The following EPS15L1 variants were observed in gnomAD, a reference collection of about 807,000 sequenced individuals.
EPS15L1 encodes the protein epidermal growth factor receptor pathway substrate 15 like 1.
EPS15L1 carries 43 observed loss-of-function variants against 117.1 expected under a neutral mutation model. The ratio of observed to expected loss-of-function variants is 0.37; its 90% confidence interval spans 0.29 to 0.47. EPS15L1 has a LOEUF of 0.47. Ranked by LOEUF, EPS15L1 falls within the 20% of genes least tolerant of loss-of-function variation. The pLI is 0.99. For synonymous variants in EPS15L1, 459 were observed against 470.5 expected (o/e 0.98, Z 0.32); for missense variants, 981 against 1,164.0 (o/e 0.84, Z 2.29).
At position 16,370,531 on chromosome 19, in the gene EPS15L1, G is replaced by A. The variant is rs1489452957; in HGVS notation, c.2380+6591C>T. Among the ~76,000 whole-genome samples the A allele has an allele frequency of 3.9e-5, 6 of 152,064 alleles. No individual in the cohort carries two copies. The highest frequency in any genetic ancestry group is 1.4e-4 in the African/African-American group (6 of 41,396). ...CCACTCTAGGCCTGCACCCCACCCT[G>A]CAGCCCCCCAGGCCTCAGCATTTGC... On this transcript the variant is annotated intron_variant, in intron 22 of 23. Transcript: ENST00000455140. The surrounding 1 kb of genome is among the most constrained non-coding windows in gnomAD (Gnocchi z 5.2).
At chr19:16,444,100 G>T in intron 1 of EPS15L1, among the ~76,000 whole-genome samples, 1 of 109,908 alleles carries the variant, frequency 9.1e-6, no homozygotes, top group Admixed American at 1.0e-4. Context: ...AAAGTACAGA[G>T]AAAACTACCA....
chr19:16,458,357 T>C (rs889086759), intron 1 of EPS15L1, among the ~76,000 whole-genome samples: 3 of 152,138 alleles, frequency 2.0e-5, no homozygotes, highest in African/African-American at 7.2e-5. Flanking sequence ...TCAAAGCCAG[T>C]GAGCTGACAC....
intron 16 of EPS15L1, among the ~76,000 whole-genome samples, chr19:16,399,679 G>A (rs1231045980): frequency 6.7e-6 from 1 of 150,322 alleles, no homozygotes; most frequent in Non-Finnish European, 1.5e-5. Context: ...TTGCTTTTTG[G>A]GGTTTTTTTT....
At chr19:16,442,770 T>C (rs1421738737) in intron 1 of EPS15L1, among the ~76,000 whole-genome samples, 1 of 152,154 alleles carries the variant, frequency 6.6e-6, no homozygotes, top group Non-Finnish European at 1.5e-5. Flanking sequence ...CAGTAACTGT[T>C]CCCACCAGGG....
intron 1 of EPS15L1, among the ~76,000 whole-genome samples, chr19:16,447,955 C>A (rs7256818): frequency 0.37 from 56,547 of 151,858 alleles, 11,345 homozygotes; most frequent in African/African-American, 0.53. Flanking sequence ...ACACACAGAT[C>A]TGCCCAGTGG....
intron 13 of EPS15L1, among the ~76,000 whole-genome samples, chr19:16,411,691 C>T (rs1377745283): frequency 6.6e-6 from 1 of 152,160 alleles, no homozygotes; most frequent in Non-Finnish European, 1.5e-5. Flanking sequence ...CCTAGCACCA[C>T]CCCATATTAC....
chr19:16,424,202 T>C (rs182457308), intron 9 of EPS15L1, among the ~76,000 whole-genome samples: 7 of 152,216 alleles, frequency 4.6e-5, no homozygotes, highest in East Asian at 1.9e-4. Context: ...GACAAGAGCA[T>C]TGCTGGCCTG....
chr19:16,403,310 G>C (rs1258958162), intron 15 of EPS15L1, among the ~76,000 whole-genome samples: 2 of 152,330 alleles, frequency 1.3e-5, no homozygotes, highest in East Asian at 3.9e-4. Flanking sequence ...TGATGCTCCA[G>C]GGTGGCGCCT....
At chr19:16,374,479 C>T (rs987726112) in intron 22 of EPS15L1, among the ~76,000 whole-genome samples, 20 of 152,134 alleles carry the variant, frequency 1.3e-4, no homozygotes, top group Admixed American at 7.2e-4. Context: ...CCCAAACTCC[C>T]GTTATCAAAC....
Position 16,404,495 on chromosome 19 carries a change from G to A in EPS15L1, c.1428+93C>T. On this transcript the variant is annotated intron_variant, in intron 14 of 23. Coordinates refer to ENST00000455140, the MANE Select transcript of EPS15L1 (RefSeq NM_001258374.3). The surrounding 1 kb of genome is among the most constrained non-coding windows in gnomAD (Gnocchi z 4.2). Reference sequence around the variant, plus strand: ...TCTATTGACCCAGTAGGATGTCTAAGTGTTGTGTTCCCAGGTAACACGAGC... The same window carrying A: ...TCTATTGACCCAGTAGGATGTCTAAATGTTGTGTTCCCAGGTAACACGAGC... The A allele has an allele frequency of 7.2e-7, 1 of 1,388,534 alleles. No individual in the cohort carries two copies. Among genetic ancestry groups the A allele is most frequent in the Non-Finnish European group, 1.0e-6 (1 of 1,000,532 alleles). The allele number at this position is 1,388,534 out of a possible 1,614,324, so 86.0% of individuals were successfully genotyped here. A position where few individuals can be genotyped will look rare whatever the true frequency, so the allele number is the denominator to read the frequency against.
chr19:16,457,865 G>A (rs536889959), intron 1 of EPS15L1, among the ~76,000 whole-genome samples: 1 of 151,792 alleles, frequency 6.6e-6, no homozygotes, highest in Admixed American at 6.6e-5. Flanking sequence ...ACCCAAGACT[G>A]GGGGGGAGGG....
chr19:16,358,370 G>GT (rs1218789710), intron 23 of EPS15L1: 1 of 152,714 alleles, frequency 6.5e-6, no homozygotes, highest in Non-Finnish European at 1.5e-5. Context: ...AGCTCCCTCT[G>GT]TGTCTGCTGT....
At chr19:16,433,148 G>A (rs1310515435) in intron 7 of EPS15L1, among the ~76,000 whole-genome samples, 1 of 145,582 alleles carries the variant, frequency 6.9e-6, no homozygotes, top group Non-Finnish European at 1.5e-5. Context: ...TTTGTTTTGA[G>A]ACAGAGTCTC....
chr19:16,367,154 C>T (rs1056078511), intron 22 of EPS15L1, among the ~76,000 whole-genome samples: 2 of 151,454 alleles, frequency 1.3e-5, no homozygotes, highest in Non-Finnish European at 2.9e-5. Flanking sequence ...ATAGAAACAT[C>T]TGGGAATGAT....
chr19:16,447,158 T>C (rs2093091722), intron 1 of EPS15L1, among the ~76,000 whole-genome samples: 1 of 152,168 alleles, frequency 6.6e-6, no homozygotes, highest in Admixed American at 6.5e-5. Flanking sequence ...GGCTCAGTCA[T>C]GTGGCAAGCA....
intron 3 of EPS15L1, 122 bp downstream of exon 3, chr19:16,441,770 G>C: frequency 1.4e-6 from 1 of 697,828 alleles, no homozygotes; most frequent in Admixed American, 2.6e-5. Context: ...GGTCTGCAGC[G>C]ACCAGGCCAC....
At chr19:16,412,532 C>T (rs2092715735) in intron 13 of EPS15L1, among the ~76,000 whole-genome samples, 1 of 151,846 alleles carries the variant, frequency 6.6e-6, no homozygotes, top group Non-Finnish European at 1.5e-5. Context: ...TCACTCTCGC[C>T]AGGCTTGGTG....
intron 21 of EPS15L1, among the ~76,000 whole-genome samples, chr19:16,380,278 C>T (rs2092346648): frequency 6.6e-6 from 1 of 152,008 alleles, no homozygotes; most frequent in Admixed American, 6.6e-5. Context: ...AAGGCTCCAG[C>T]ATCTAGCCAC....
intron 22 of EPS15L1, among the ~76,000 whole-genome samples, chr19:16,373,017 A>T (rs1338639325): frequency 6.6e-6 from 1 of 152,224 alleles, no homozygotes; most frequent in African/African-American, 2.4e-5. Flanking sequence ...CCTGGGATGG[A>T]CAAACCCTGG....
Sources: gnomAD v4.1 joint callset for allele counts (sites outside exome capture counted in the v4.1 genomes callset) on GRCh38, gnomAD v4.1.1 for gene constraint, Gnocchi (gnomAD v3.1) non-coding constraint, MANE v1.5 for transcripts, NCBI Gene and HGNC (gene_info 2026-07-23, HGNC 2026-07-21) for gene names.